The following USH2A variants were observed in gnomAD, a reference collection of about 807,000 sequenced individuals.
USH2A encodes usherin, also known as Usher syndrome 2A (autosomal recessive, mild).
Under a neutral mutation model 538.9 loss-of-function variants are expected in USH2A, and 443 were observed. The observed-to-expected ratio is 0.82, with a 90% CI of 0.76 to 0.89. The LOEUF (loss-of-function observed/expected upper bound fraction) is 0.89, where lower values mean the gene tolerates loss of function less well. USH2A is among the 40% of genes least tolerant of loss of function. The probability of loss-of-function intolerance (pLI) is 0.00; values close to 1 mark genes in which losing one functional copy is unlikely to be tolerated. For missense variants in USH2A, 6,633 were observed against 6,324.8 expected (o/e 1.05, Z -1.65); for synonymous variants, 2,413 against 2,273.5 (o/e 1.06, Z -1.75).
At chr1:215,773,645 G>A (rs1450466143) in intron 55 of USH2A, among the ~76,000 whole-genome samples, 1 of 151,922 alleles carries the variant, frequency 6.6e-6, no homozygotes, top group Admixed American at 6.6e-5. Context: ...CTTTCTTGGC[G>A]CAAGACAACG....
intron 44 of USH2A, among the ~76,000 whole-genome samples, chr1:215,860,362 T>C (rs1336068027): frequency 6.6e-6 from 1 of 152,214 alleles, no homozygotes; most frequent in Non-Finnish European, 1.5e-5. Flanking sequence ...GTTGGCCTAG[T>C]GTGGCCCACC....
intron 4 of USH2A, among the ~76,000 whole-genome samples, chr1:216,352,775 T>C (rs1223140758): frequency 6.6e-6 from 1 of 152,152 alleles, no homozygotes; most frequent in African/African-American, 2.4e-5. Flanking sequence ...ATAGGTGGTA[T>C]GCCAGTGGTG....
intron 48 of USH2A, 68 bp from the exon 49 acceptor site, chr1:215,813,972 T>A: frequency 6.6e-7 from 1 of 1,512,126 alleles, no homozygotes; most frequent in Non-Finnish European, 9.1e-7. Context: ...CTGTATCTCA[T>A]GTAATATAAT....
chr1:215,693,565 G>A (rs1479189806), intron 61 of USH2A, among the ~76,000 whole-genome samples: 2 of 152,098 alleles, frequency 1.3e-5, no homozygotes, highest in African/African-American at 2.4e-5. Flanking sequence ...CAAGACCCCT[G>A]TTTCTTAAAA....
chr1:215,921,885 T>C (rs938479270), intron 38 of USH2A, among the ~76,000 whole-genome samples: 2 of 152,078 alleles, frequency 1.3e-5, no homozygotes, highest in Non-Finnish European at 2.9e-5. Flanking sequence ...CTAGTATTAA[T>C]AAATGCTATC....
At chr1:215,893,820 A>G (rs1665263161) in intron 40 of USH2A, among the ~76,000 whole-genome samples, 1 of 152,168 alleles carries the variant, frequency 6.6e-6, no homozygotes, top group Non-Finnish European at 1.5e-5. Context: ...TAATCAATCC[A>G]TCCTTTCAAA....
chr1:216,074,349 T>C (rs1023834341), intron 27 of USH2A, among the ~76,000 whole-genome samples: 7 of 148,302 alleles, frequency 4.7e-5, no homozygotes, highest in Admixed American at 1.4e-4. Context: ...TCTCTCTCTC[T>C]CCGAACAAAA....
At chr1:216,374,233 C>A (rs2669049) in intron 3 of USH2A, among the ~76,000 whole-genome samples, 95,242 of 150,874 alleles carry the variant, frequency 0.63, 31,341 homozygotes, top group East Asian at 0.84. Flanking sequence ...TGCACATGTA[C>A]CCTAAAACTT....
At chr1:215,931,681 A>G (rs914533563) in intron 38 of USH2A, among the ~76,000 whole-genome samples, 1 of 152,032 alleles carries the variant, frequency 6.6e-6, no homozygotes, top group African/African-American at 2.4e-5. Flanking sequence ...ACAAGTCGTT[A>G]AGCAATCTTG....
At chr1:216,053,556 T>C (rs1021725608) in intron 30 of USH2A, among the ~76,000 whole-genome samples, 1 of 150,092 alleles carries the variant, frequency 6.7e-6, no homozygotes, top group African/African-American at 2.5e-5. Flanking sequence ...CAGAAAATGG[T>C]CCCAATCATG....
At chr1:216,053,447 G>A (rs1242295293) in intron 30 of USH2A, among the ~76,000 whole-genome samples, 2 of 144,714 alleles carry the variant, frequency 1.4e-5, no homozygotes, top group African/African-American at 5.1e-5. Flanking sequence ...ACACATCCCA[G>A]AGAAGTCTTT....
chr1:215,920,991 G>T (rs141092761), intron 38 of USH2A, among the ~76,000 whole-genome samples: 278 of 152,096 alleles, frequency 1.8e-3, no homozygotes, highest in African/African-American at 6.6e-3. Context: ...CCTGACTAGA[G>T]TGTTTTTTCA....
At position 216,135,168 on chromosome 1, in the gene USH2A, A is replaced by T. The variant is rs1886423; in HGVS notation, c.4628-37955T>A. Among the ~76,000 whole-genome samples, 422 of 100,236 alleles carry T rather than the reference A, an allele frequency of 4.2e-3. 1 individual carries two copies. The highest frequency in any genetic ancestry group is 0.022 in the African/African-American group (370 of 16,852). 65.8% of individuals were successfully genotyped at this position (100,236 alleles called of 152,430 possible). ...CTCTCTCTCTCTCTCTCTCTCTCTCACACACACACATACACACACACACAC... is the reference window on the plus strand; with the variant it reads ...CTCTCTCTCTCTCTCTCTCTCTCTCTCACACACACATACACACACACACAC... On this transcript the variant is annotated intron_variant, in intron 21 of 71. Transcript: ENST00000307340.
intron 68 of USH2A, among the ~76,000 whole-genome samples, chr1:215,639,735 G>T (rs1349160031): frequency 1.3e-5 from 2 of 152,198 alleles, no homozygotes; most frequent in Non-Finnish European, 2.9e-5. Context: ...GGTAGAACCT[G>T]TGTCTCCCAA....
rs562479612 is a variant in USH2A, at chr1:215,870,676, A to G, written c.8682-3506T>C. On this transcript the variant is annotated intron_variant, in intron 43 of 71. Coordinates refer to ENST00000307340, the MANE Select transcript of USH2A (RefSeq NM_206933.4). The stretch of plus-strand genomic sequence containing the variant: ...ATCTGAATTCCAATCTGTATTTAGT[A>G]AGAATATATACCTATGGCTTGTCTA... 1.6e-4 allele frequency among the ~76,000 whole-genome samples: 25 copies of G among 152,210 alleles called. No individual in the cohort carries two copies. In the South Asian group the frequency reaches 5.0e-3, roughly 30 times the overall value.
At chr1:215,957,851 C>A (rs1283218454) in intron 37 of USH2A, among the ~76,000 whole-genome samples, 2 of 152,150 alleles carry the variant, frequency 1.3e-5, no homozygotes, top group Admixed American at 1.3e-4. Context: ...CTACAAAGTT[C>A]TCCGACGGGA....
chr1:215,953,122 G>T (rs1043064114), intron 37 of USH2A, among the ~76,000 whole-genome samples: 6 of 152,162 alleles, frequency 3.9e-5, no homozygotes, highest in African/African-American at 1.4e-4. Flanking sequence ...TCAATATTGT[G>T]AAAATGGCCA....
At position 215,670,959 on chromosome 1, in the gene USH2A, A is replaced by G; in HGVS notation, c.14133+13T>C. 1 of 1,613,604 alleles carries G rather than the reference A, an allele frequency of 6.2e-7. No individual in the cohort carries two copies. The highest frequency in any genetic ancestry group is 8.5e-7 in the Non-Finnish European group (1 of 1,179,532). The stretch of plus-strand genomic sequence containing the variant: ...ACAATCAGCTCGAATTGTTTATAAT[A>G]CACATTTCTTACCTGATACTCATAC... On this transcript the variant is annotated intron_variant, in intron 64 of 71. Coordinates refer to ENST00000307340, the MANE Select transcript of USH2A (RefSeq NM_206933.4).
At chr1:216,150,201 G>A (rs565957774) in intron 21 of USH2A, among the ~76,000 whole-genome samples, 120 of 152,158 alleles carry the variant, frequency 7.9e-4, no homozygotes, top group Non-Finnish European at 1.6e-3. Flanking sequence ...TGTTTACACT[G>A]CTGGTTTACA....
Sources: gnomAD v4.1 joint callset for allele counts (sites outside exome capture counted in the v4.1 genomes callset) on GRCh38, gnomAD v4.1.1 for gene constraint, MANE v1.5 for transcripts, NCBI Gene and HGNC (gene_info 2026-07-23, HGNC 2026-07-21) for gene names.